Variants in DPP10 observed in about 807,000 individuals in gnomAD.
DPP10 encodes inactive dipeptidyl peptidase 10.
Under a neutral mutation model 120.9 loss-of-function variants are expected in DPP10, and 33 were observed. That is an observed-to-expected ratio of 0.27 (90% CI 0.21 to 0.37). The LOEUF is 0.37. Among genes scored for constraint, DPP10 ranks in the 10% least tolerant of loss-of-function variants. The pLI is 1.00. For missense variants in DPP10, 816 were observed against 942.8 expected, an observed-to-expected ratio of 0.87 and a Z score of 1.76; for synonymous variants, 337 against 326.1, an observed-to-expected ratio of 1.03 and a Z score of -0.36.
intron 1 of DPP10, among the ~76,000 whole-genome samples, chr2:114,745,592 AT>A (rs1443458856): frequency 2.6e-5 from 4 of 152,216 alleles, no homozygotes; most frequent in Non-Finnish European, 5.9e-5. Context: ...ATATATAAAA[AT>A]AAATGAAAAT....
Position 115,750,240 on chromosome 2 carries a change from T to A in DPP10, c.951-2934T>A. ...CTCATTCAGAGACAGCCTGAATACTTATGAGTAAGCAAGATCAGTCAATAT... is the reference window on the plus strand; with the variant it reads ...CTCATTCAGAGACAGCCTGAATACTAATGAGTAAGCAAGATCAGTCAATAT... On this transcript the variant is annotated intron_variant, in intron 10 of 25. Coordinates refer to ENST00000410059, the MANE Select transcript of DPP10 (RefSeq NM_020868.6). 4 of 974,566 alleles carry A rather than the reference T, an allele frequency of 4.1e-6. No individual in the cohort carries two copies. The South Asian group carries it at 1.9e-4, about 46-fold the overall frequency. The allele number at this position is 974,566 out of a possible 1,614,324, so 60.4% of individuals were successfully genotyped here.
chr2:114,953,835 A>T (rs1489443931), intron 1 of DPP10, among the ~76,000 whole-genome samples: 1 of 152,076 alleles, frequency 6.6e-6, no homozygotes, highest in Admixed American at 6.6e-5. Flanking sequence ...TTATACTTTG[A>T]TTCAAATTTT....
chr2:115,642,480 G>A (rs534875012), intron 5 of DPP10, among the ~76,000 whole-genome samples: 3 of 152,214 alleles, frequency 2.0e-5, no homozygotes, highest in Admixed American at 1.3e-4. Context: ...TCTTTTCCGC[G>A]TCTCCAGCCT....
At chr2:115,645,345 A>C (rs183233769) in intron 5 of DPP10, among the ~76,000 whole-genome samples, 74 of 152,270 alleles carry the variant, frequency 4.9e-4, no homozygotes, top group African/African-American at 1.7e-3. Flanking sequence ...AGATTAGAAA[A>C]TGTGGTACAC....
At chr2:115,523,599 C>T (rs547326429) in intron 4 of DPP10, among the ~76,000 whole-genome samples, 1 of 152,138 alleles carries the variant, frequency 6.6e-6, no homozygotes, top group East Asian at 1.9e-4. Context: ...TAACAGCGTA[C>T]CATTTCATAC....
At chr2:114,461,290 T>C (rs1034314837) in intron 1 of DPP10, among the ~76,000 whole-genome samples, 2 of 152,206 alleles carry the variant, frequency 1.3e-5, no homozygotes, top group African/African-American at 4.8e-5. Flanking sequence ...AGTTTCTTAA[T>C]GAGCTTGCCT....
At chr2:115,670,351 C>G (rs1294590742) in intron 5 of DPP10, among the ~76,000 whole-genome samples, 2 of 152,034 alleles carry the variant, frequency 1.3e-5, no homozygotes, top group Admixed American at 1.3e-4. Flanking sequence ...TGATAGTTTT[C>G]ATTTACTTGA....
At chr2:115,742,667 T>A (rs1677434918) in intron 9 of DPP10, among the ~76,000 whole-genome samples, 1 of 152,160 alleles carries the variant, frequency 6.6e-6, no homozygotes, top group Non-Finnish European at 1.5e-5. Context: ...AGATTTTTTA[T>A]TATCTACTCT....
intron 1 of DPP10, among the ~76,000 whole-genome samples, chr2:114,976,634 T>G (rs1160175027): frequency 6.6e-6 from 1 of 152,222 alleles, no homozygotes; most frequent in Non-Finnish European, 1.5e-5. Flanking sequence ...TGGAGAAGTT[T>G]GAAAACAGCA....
intron 4 of DPP10, among the ~76,000 whole-genome samples, chr2:115,506,182 C>T (rs916784539): frequency 3.9e-5 from 6 of 152,054 alleles, no homozygotes; most frequent in East Asian, 1.9e-4. Context: ...GTTGCCAAAA[C>T]TTCTGCAGCC....
Position 114,490,587 on chromosome 2 carries a change from T to C in DPP10, c.60+47749T>C, listed in dbSNP as rs188616931. ...AGACTGGAGGCAGCCGAGAAAGACT[T>C]TGTGGAGGAGGCAAGATTTGAAGAA... On this transcript the variant is annotated intron_variant, in intron 1 of 25. Coordinates refer to ENST00000410059, the MANE Select transcript of DPP10 (RefSeq NM_020868.6). Among the ~76,000 whole-genome samples, 764 of 151,554 alleles carry C rather than the reference T, an allele frequency of 5.0e-3. 9 individuals are homozygous for C. Among genetic ancestry groups the C allele is most frequent in the Non-Finnish European group, 4.0e-3 (268 of 67,810 alleles).
At chr2:114,804,256 C>A (rs937369836) in intron 1 of DPP10, among the ~76,000 whole-genome samples, 4 of 152,170 alleles carry the variant, frequency 2.6e-5, no homozygotes, top group African/African-American at 4.8e-5. Context: ...CCTGGATGCC[C>A]AGATAAAAGT....
intron 1 of DPP10, among the ~76,000 whole-genome samples, chr2:114,958,340 G>C (rs530371572): frequency 6.6e-6 from 1 of 152,222 alleles, no homozygotes; most frequent in South Asian, 2.1e-4. Context: ...TATTAAGTTA[G>C]GTCATGGTTC....
At chr2:115,124,325 C>T (rs972312724) in intron 1 of DPP10, among the ~76,000 whole-genome samples, 2 of 152,128 alleles carry the variant, frequency 1.3e-5, no homozygotes, top group African/African-American at 4.8e-5. Context: ...GACATAGCTC[C>T]ACGTGAGCAT....
intron 1 of DPP10, among the ~76,000 whole-genome samples, chr2:114,582,336 A>G (rs1690602412): frequency 6.6e-6 from 1 of 152,046 alleles, no homozygotes; most frequent in East Asian, 1.9e-4. Flanking sequence ...TTATTCTTTC[A>G]CCTACTGAAG....
intron 2 of DPP10, among the ~76,000 whole-genome samples, chr2:115,336,475 G>A (rs2063137101): frequency 6.6e-6 from 1 of 151,648 alleles, no homozygotes; most frequent in Non-Finnish European, 1.5e-5. Flanking sequence ...CATAATTATA[G>A]TATCTGATAG....
At chr2:115,265,943 C>CAA (rs397985556) in intron 1 of DPP10, among the ~76,000 whole-genome samples, 1 of 78,376 alleles carries the variant, frequency 1.3e-5, no homozygotes, top group Admixed American at 1.5e-4. Context: ...GACTCTATTT[C>CAA]AAAAAAAAAA....
At chr2:114,726,855 A>G (rs1478423754) in intron 1 of DPP10, among the ~76,000 whole-genome samples, 1 of 152,202 alleles carries the variant, frequency 6.6e-6, no homozygotes, top group East Asian at 1.9e-4. Context: ...TCAAAGTATG[A>G]TTAGAATTTT....
intron 1 of DPP10, among the ~76,000 whole-genome samples, chr2:114,838,620 A>T (rs955277399): frequency 2.0e-5 from 3 of 152,164 alleles, no homozygotes; most frequent in East Asian, 1.9e-4. Flanking sequence ...TTCAAATTTT[A>T]AATTTTTAAA....
Sources: allele counts gnomAD v4.1 joint callset (sites outside exome capture counted in the v4.1 genomes callset), GRCh38; gene constraint gnomAD v4.1.1; transcripts MANE v1.5; gene names NCBI Gene and HGNC (gene_info 2026-07-23, HGNC 2026-07-21).